The following MAST2 variants were observed in gnomAD, a reference collection of about 807,000 sequenced individuals.
The protein encoded by MAST2 is microtubule-associated serine/threonine-protein kinase 2.
Under a neutral mutation model 147.4 loss-of-function variants are expected in MAST2, and 70 were observed. The ratio of observed to expected loss-of-function variants is 0.47; its 90% CI spans 0.39 to 0.58. The LOEUF is 0.58. MAST2 is among the 20% of genes least tolerant of loss of function. The probability of loss-of-function intolerance (pLI) is 0.00; values close to 1 mark genes in which losing one functional copy is unlikely to be tolerated. For missense variants in MAST2, 2,080 were observed against 2,302.3 expected, an observed-to-expected ratio of 0.90 and a Z score of 1.98; for synonymous variants, 869 against 896.8, an observed-to-expected ratio of 0.97 and a Z score of 0.55.
intron 4 of MAST2, among the ~76,000 whole-genome samples, chr1:45,929,225 T>C (rs1041748864): frequency 2.0e-5 from 3 of 152,224 alleles, no homozygotes; most frequent in Non-Finnish European, 4.4e-5. Context: ...CTGTTTTTTT[T>C]TACCCTGAAG....
Position 46,035,868 on chromosome 1 carries a change from A to G in MAST2, c.5199A>G (p.Gln1733=), listed in dbSNP as rs1417008326. The G allele has an allele frequency of 8.1e-6, 13 of 1,613,968 alleles. No individual in the cohort carries two copies. The highest frequency in any genetic ancestry group is 1.0e-5 in the Non-Finnish European group (12 of 1,180,034). Residue 1733 remains glutamine, a synonymous_variant, in exon 29 of 29, where the codon CAA becomes CAG. Coordinates refer to ENST00000361297, the MANE Select transcript of MAST2 (RefSeq NM_015112.3). This position sits in a 1 kb window ranked among gnomAD's most constrained non-coding sequence, Gnocchi z 5.5. ...QGWLWESECA[Q]AVKEDPALSI... ...GGCTATGGGAGTCTGAGTGTGCACA[A>G]GCAGTGAAAGAGGATCCAGCCCTGA...
At chr1:46,015,760 G>A (rs1645910128) in intron 10 of MAST2, among the ~76,000 whole-genome samples, 1 of 152,194 alleles carries the variant, frequency 6.6e-6, no homozygotes, top group Non-Finnish European at 1.5e-5. Context: ...GGAGGAATTG[G>A]TACCATTCCT....
chr1:45,907,437 A>G (rs1203896035), intron 4 of MAST2, among the ~76,000 whole-genome samples: 1 of 150,998 alleles, frequency 6.6e-6, no homozygotes, highest in Non-Finnish European at 1.5e-5. Context: ...ATGGCAAGGT[A>G]TATATAACAA....
At position 45,946,196 on chromosome 1, in the gene MAST2, C is replaced by T. The variant is rs146058633; in HGVS notation, c.501-13190C>T. Among the ~76,000 whole-genome samples, 3 of 152,228 alleles carry T rather than the reference C, an allele frequency of 2.0e-5. No individual in the cohort carries two copies. In the East Asian group the frequency reaches 5.8e-4, roughly 29 times the overall value. ...CAGTCTAGGGTTTTTAAATTTTTCT[C>T]CTATCTCTTTTACCAGGTTGATTCC... is the stretch of plus-strand genomic sequence containing the variant. On this transcript the variant is annotated intron_variant, in intron 4 of 28. Coordinates refer to ENST00000361297, the MANE Select transcript of MAST2 (RefSeq NM_015112.3).
At chr1:45,876,190 A>G (rs1282012371) in intron 3 of MAST2, among the ~76,000 whole-genome samples, 2 of 152,256 alleles carry the variant, frequency 1.3e-5, no homozygotes, top group Non-Finnish European at 2.9e-5. Flanking sequence ...CAGTGTGCCA[A>G]GAATGGTTTA....
At chr1:45,921,053 T>C (rs1190611348) in intron 4 of MAST2, among the ~76,000 whole-genome samples, 2 of 152,234 alleles carry the variant, frequency 1.3e-5, no homozygotes, top group East Asian at 3.9e-4. Context: ...TGGAGTGCAG[T>C]GGCGCAATCT....
intron 4 of MAST2, among the ~76,000 whole-genome samples, chr1:45,944,607 T>C (rs997567939): frequency 1.3e-5 from 2 of 152,224 alleles, no homozygotes; most frequent in African/African-American, 4.8e-5. Flanking sequence ...TTCAGTATAT[T>C]ACATTAGATG....
intron 26 of MAST2, 47 bp downstream of exon 26, chr1:46,032,765 C>T (rs1283256067): frequency 1.3e-6 from 2 of 1,584,832 alleles, no homozygotes; most frequent in Non-Finnish European, 1.7e-6. Flanking sequence ...TGACCTCAGC[C>T]TGTGAGTCTG....
intron 11 of MAST2, 84 bp downstream of exon 11, chr1:46,019,781 G>A: frequency 8.9e-7 from 1 of 1,119,564 alleles, no homozygotes; most frequent in Admixed American, 1.8e-5. Flanking sequence ...AAACTGTGGT[G>A]GTAACCACTG....
intron 4 of MAST2, among the ~76,000 whole-genome samples, chr1:45,920,253 A>G (rs1236009901): frequency 6.6e-6 from 1 of 152,156 alleles, no homozygotes; most frequent in Non-Finnish European, 1.5e-5. Context: ...ACTCAGAGGA[A>G]GCCCCTGCAG....
intron 4 of MAST2, among the ~76,000 whole-genome samples, chr1:45,920,466 G>A (rs544714597): frequency 9.2e-5 from 14 of 152,218 alleles, no homozygotes; most frequent in African/African-American, 2.9e-4. Context: ...TCCAGTGTCT[G>A]CAAACTATTG....
rs183033669 is a variant in MAST2 at position 45,931,276 on chromosome 1, T to C, written c.501-28110T>C. 3.2e-3 allele frequency among the ~76,000 whole-genome samples: 490 copies of C among 152,220 alleles called. 5 individuals are homozygous for C. The highest frequency in any genetic ancestry group is 5.8e-3 in the Non-Finnish European group (392 of 68,010). ...GAAGATTACAGACCAGTTTATTTGATAGGATGTCCTTTAATTTGAATTTGT... is the reference window on the plus strand; with the variant it reads ...GAAGATTACAGACCAGTTTATTTGACAGGATGTCCTTTAATTTGAATTTGT... On this transcript the variant is annotated intron_variant, in intron 4 of 28. Transcript: ENST00000361297.
rs58072402 is a variant in MAST2 at position 45,966,861 on chromosome 1, C to CTTTT, written c.592+7404_592+7407dup. On this transcript the variant is annotated intron_variant, in intron 5 of 28. Transcript: ENST00000361297. ...GTGGTGTCAGTGTGTGGATCTGGGT[C>CTTTT]TTTTTTTTTTTTTTTTTTTTTTTAA... 3.6e-4 allele frequency among the ~76,000 whole-genome samples: 40 copies of CTTTT among 111,088 alleles called. 1 individual carries two copies. The highest frequency in any genetic ancestry group is 1.0e-3 in the African/African-American group (30 of 28,806). 72.9% of individuals were successfully genotyped at this position (111,088 alleles called of 152,430 possible). A position where few individuals can be genotyped will look rare whatever the true frequency, so the allele number is the denominator to read the frequency against.
At chr1:45,845,181 A>G (rs548495059) in intron 3 of MAST2, among the ~76,000 whole-genome samples, 1 of 152,346 alleles carries the variant, frequency 6.6e-6, no homozygotes, top group African/African-American at 2.4e-5. Flanking sequence ...TGGTTAGAAT[A>G]CATGGGAGAA....
intron 3 of MAST2, among the ~76,000 whole-genome samples, chr1:45,864,369 G>A (rs958515879): frequency 1.3e-5 from 2 of 152,130 alleles, no homozygotes; most frequent in Non-Finnish European, 2.9e-5. Context: ...CAGGGAAACC[G>A]ACCTTAGCAA....
chr1:46,034,478 A>G, intron 28 of MAST2, 60 bp from the exon 29 acceptor site: 2 of 1,529,552 alleles, frequency 1.3e-6, no homozygotes, highest in South Asian at 1.2e-5. Flanking sequence ...CCCTTGAGTC[A>G]CTTCTAACAG....
In MAST2 at chr1:45,831,328, A is replaced by T. The variant is rs143002417; in HGVS notation, c.468+1747A>T. Reference sequence around the variant, plus strand: ...CTTGAAGATATAAGCCTTTTGGGTCAACATATGTGGAGTAGAAAGTTTTGT... The same window carrying T: ...CTTGAAGATATAAGCCTTTTGGGTCTACATATGTGGAGTAGAAAGTTTTGT... On this transcript the variant is annotated intron_variant, in intron 3 of 28. Transcript: ENST00000361297. Among the ~76,000 whole-genome samples the T allele has an allele frequency of 9.0e-4, 137 of 152,262 alleles. 1 individual carries two copies. Among genetic ancestry groups the T allele is most frequent in the African/African-American group, 3.1e-3 (130 of 41,542 alleles).
intron 4 of MAST2, among the ~76,000 whole-genome samples, chr1:45,914,986 G>A (rs564951874): frequency 6.6e-6 from 1 of 152,268 alleles, no homozygotes; most frequent in African/African-American, 2.4e-5. Context: ...TATGGCCCAG[G>A]CGGGAGGGCA....
At chr1:45,996,648 A>G (rs1439789503) in intron 5 of MAST2, among the ~76,000 whole-genome samples, 1 of 152,196 alleles carries the variant, frequency 6.6e-6, no homozygotes, top group Non-Finnish European at 1.5e-5. Context: ...AAACAATGCC[A>G]TTATATAATT....
Sources: gnomAD v4.1 joint callset for allele counts (sites outside exome capture counted in the v4.1 genomes callset) on GRCh38, gnomAD v4.1.1 for gene constraint, Gnocchi (gnomAD v3.1) non-coding constraint, MANE v1.5 for transcripts, NCBI Gene and HGNC (gene_info 2026-07-23, HGNC 2026-07-21) for gene names.